The following ADAMTS19 variants were observed in gnomAD, a reference collection of about 807,000 sequenced individuals.
ADAMTS19 encodes the protein ADAM metallopeptidase with thrombospondin type 1 motif 19, also known as A disintegrin and metalloproteinase with thrombospondin motifs 19.
A neutral mutation model predicts 153.3 loss-of-function variants in ADAMTS19; 93 were observed. The observed-to-expected ratio is 0.61, with a 90% CI of 0.51 to 0.72. ADAMTS19 has a LOEUF of 0.72. Among genes scored for constraint, ADAMTS19 ranks in the 30% least tolerant of loss-of-function variants. The pLI is 0.00. For missense variants in ADAMTS19, 1,482 were observed against 1,552.1 expected (o/e 0.95, Z 0.76); for synonymous variants, 600 against 556.6 (o/e 1.08, Z -1.10).
intron 7 of ADAMTS19, among the ~76,000 whole-genome samples, chr5:129,561,819 A>AT (rs138761227): frequency 2.7e-5 from 4 of 148,060 alleles, no homozygotes; most frequent in African/African-American, 7.5e-5. Context: ...ATTTCACCCT[A>AT]CTATCTATCT....
intron 10 of ADAMTS19, among the ~76,000 whole-genome samples, chr5:129,626,540 C>T (rs941492111): frequency 5.9e-5 from 9 of 151,986 alleles, no homozygotes; most frequent in African/African-American, 2.2e-4. Flanking sequence ...TTTAAGGTTT[C>T]CAGAAATGTT....
chr5:129,568,345 A>T (rs1369744017), intron 7 of ADAMTS19, among the ~76,000 whole-genome samples: 1 of 132,114 alleles, frequency 7.6e-6, no homozygotes, highest in African/African-American at 2.6e-5. Flanking sequence ...AATACATAAG[A>T]CAACAACAGT....
In ADAMTS19 at chr5:129,529,277, A is replaced by G. The variant is rs1415215600; in HGVS notation, c.1328+600A>G. 2.6e-5 allele frequency among the ~76,000 whole-genome samples: 4 copies of G among 152,190 alleles called. No individual in the cohort carries two copies. In the East Asian group the frequency reaches 5.8e-4, roughly 22 times the overall value. The stretch of plus-strand genomic sequence containing the variant: ...TGTCTTGCTTAAAGCTGGTAAAAAT[A>G]AGTAATTCATTGTGAACTAGCAATT... On this transcript the variant is annotated intron_variant, in intron 6 of 22. Coordinates refer to ENST00000274487, the MANE Select transcript of ADAMTS19 (RefSeq NM_133638.6).
chr5:129,657,787 C>A lies in ADAMTS19; in HGVS notation c.2305-830C>A, dbSNP rs367719873. On this transcript the variant is annotated intron_variant, in intron 14 of 22. Coordinates refer to ENST00000274487, the MANE Select transcript of ADAMTS19 (RefSeq NM_133638.6). ...AGTTTTCCAGAAAGTTAATATTTAC[C>A]ATTTAGCACTTACTTTACAATCACT... Among the ~76,000 whole-genome samples, 3 of 152,064 alleles carry A rather than the reference C, an allele frequency of 2.0e-5. No homozygotes were observed. In the South Asian group the frequency reaches 6.2e-4, roughly 31 times the overall value.
chr5:129,635,066 T>C lies in ADAMTS19; in HGVS notation c.1771-6793T>C, dbSNP rs79840387. On this transcript the variant is annotated intron_variant, in intron 10 of 22. Coordinates refer to ENST00000274487, the MANE Select transcript of ADAMTS19 (RefSeq NM_133638.6). ...ATCCAGCAACAATAGCAAACTTAAG[T>C]TTACAAGCAAAAAACAAGCAACCCC... 4.4e-3 allele frequency among the ~76,000 whole-genome samples: 660 copies of C among 151,560 alleles called. 4 individuals carry two copies. The highest frequency in any genetic ancestry group is 0.026 in the East Asian group (133 of 5,144).
intron 6 of ADAMTS19, among the ~76,000 whole-genome samples, chr5:129,539,107 A>G (rs1449214153): frequency 6.6e-6 from 1 of 152,104 alleles, no homozygotes. Flanking sequence ...TGTGGGAGGC[A>G]GAATAATGTC....
Position 129,684,762 on chromosome 5 carries a change from C to A in ADAMTS19, c.2818+489C>A, listed in dbSNP as rs188795696. Among the ~76,000 whole-genome samples, 327 of 151,912 alleles carry A rather than the reference C, an allele frequency of 2.2e-3. 1 individual carries two copies. The highest frequency in any genetic ancestry group is 6.9e-3 in the African/African-American group (285 of 41,488). ...CAGCACTCTGGGAGGCCGAGGCGGG[C>A]AGATCACGAGGTCAGGAGATCAAGA... On this transcript the variant is annotated intron_variant, in intron 18 of 22. Transcript: ENST00000274487.
At chr5:129,585,018 CTGG>C (rs1749709662) in intron 7 of ADAMTS19, among the ~76,000 whole-genome samples, 1 of 152,148 alleles carries the variant, frequency 6.6e-6, no homozygotes, top group South Asian at 2.1e-4. Flanking sequence ...TCTCAGGGCC[CTGG>C]TGGTGCAGGC....
intron 6 of ADAMTS19, among the ~76,000 whole-genome samples, chr5:129,543,028 T>G (rs76620303): frequency 0.027 from 4,062 of 150,682 alleles, 126 homozygotes; most frequent in African/African-American, 0.079. Flanking sequence ...GTTGTTTTTT[T>G]TTGTTGTTGT....
chr5:129,705,662 C>A (rs1008162612), intron 21 of ADAMTS19, among the ~76,000 whole-genome samples: 7 of 152,182 alleles, frequency 4.6e-5, no homozygotes, highest in African/African-American at 1.7e-4. Flanking sequence ...AAGGAAACTT[C>A]ACACTTCAGA....
rs144022129 is a variant in ADAMTS19, at chr5:129,524,193, A to G, written c.914-2091A>G. On this transcript the variant is annotated intron_variant, in intron 3 of 22. Transcript: ENST00000274487. ...CATCTGATCTTCGACAAACCTGACA[A>G]AAACAAGCAGTGGTGAAAGTATTCC... is the stretch of plus-strand genomic sequence containing the variant. Among the ~76,000 whole-genome samples, 541 of 152,264 alleles carry G rather than the reference A, an allele frequency of 3.6e-3. 4 individuals carry two copies. The highest frequency in any genetic ancestry group is 0.011 in the African/African-American group (449 of 41,558).
At chr5:129,715,742 G>C (rs1756695277) in intron 21 of ADAMTS19, among the ~76,000 whole-genome samples, 1 of 152,182 alleles carries the variant, frequency 6.6e-6, no homozygotes, top group Non-Finnish European at 1.5e-5. Flanking sequence ...AGGGAAGATT[G>C]TGAATTCTAT....
Position 129,491,859 on chromosome 5 carries a change from TA to T in ADAMTS19, c.748-17211del, listed in dbSNP as rs58435139. On this transcript the variant is annotated intron_variant, in intron 2 of 22. Coordinates refer to ENST00000274487, the MANE Select transcript of ADAMTS19 (RefSeq NM_133638.6). ...TAGATTATGTTACTTAATTATTATT[TA>T]AAAAAACTCACAATATTTGCATTTT... Among the ~76,000 whole-genome samples, 675 of 152,256 alleles carry T rather than the reference TA, an allele frequency of 4.4e-3. 6 individuals are homozygous for T. Among genetic ancestry groups the T allele is most frequent in the African/African-American group, 0.015 (624 of 41,562 alleles).
intron 7 of ADAMTS19, among the ~76,000 whole-genome samples, chr5:129,554,738 T>C (rs1156373869): frequency 1.3e-5 from 2 of 152,136 alleles, no homozygotes; most frequent in Non-Finnish European, 2.9e-5. Context: ...TTTACGTTAC[T>C]TGTAGCCTAA....
Position 129,461,475 on chromosome 5 carries a change from C to T in ADAMTS19, c.465C>T (p.Pro155=), listed in dbSNP as rs1337284707. The change falls in exon 2 of 23, where the codon CCC becomes CCT. Residue 155 remains proline, a synonymous_variant. Transcript: ENST00000274487. This position sits in a 1 kb window ranked among gnomAD's most constrained non-coding sequence, Gnocchi z 4.6. ...SWQPPPPPQP[P]PSPPPAQHAE... Reference sequence around the variant, plus strand: ...AGCCGCCGCCTCCCCCGCAGCCGCCCCCGTCCCCGCCCCCGGCCCAGCATG... The same window carrying T: ...AGCCGCCGCCTCCCCCGCAGCCGCCTCCGTCCCCGCCCCCGGCCCAGCATG... 2 of 1,475,484 alleles carry T rather than the reference C, an allele frequency of 1.4e-6. No individual in the cohort carries two copies. Among genetic ancestry groups the T allele is most frequent in the Non-Finnish European group, 1.8e-6 (2 of 1,122,362 alleles). The allele number at this position is 1,475,484 out of a possible 1,614,324, so 91.4% of individuals were successfully genotyped here. A position where few individuals can be genotyped will look rare whatever the true frequency, so the allele number is the denominator to read the frequency against.
intron 13 of ADAMTS19, among the ~76,000 whole-genome samples, chr5:129,653,967 C>CA (rs972333892): frequency 6.6e-6 from 1 of 151,444 alleles, no homozygotes; most frequent in Non-Finnish European, 1.5e-5. Flanking sequence ...GATATCATTT[C>CA]AAAAAAAATA....
intron 14 of ADAMTS19, among the ~76,000 whole-genome samples, chr5:129,655,710 T>C (rs960116539): frequency 3.3e-5 from 5 of 152,162 alleles, no homozygotes; most frequent in Admixed American, 3.3e-4. Context: ...GATCAATCCA[T>C]GATCCAATAG....
rs188789381 is a variant in ADAMTS19, at chr5:129,665,539, A to C, written c.2466A>C (p.Arg822Ser). The C allele has an allele frequency of 1.6e-5, 26 of 1,610,870 alleles. No homozygotes were observed. The highest frequency in any genetic ancestry group is 2.2e-5 in the Non-Finnish European group (26 of 1,177,904). The change falls in exon 16 of 23, where the codon AGA (arginine) becomes AGC (serine). Residue 822 changes from arginine to serine, a missense_variant. Around this residue, in one of 2 missense-constraint regions of ADAMTS19, gnomAD observed 616 missense variants for 724.4 expected, o/e 0.85. Coordinates refer to ENST00000274487, the MANE Select transcript of ADAMTS19 (RefSeq NM_133638.6). The part of the protein sequence containing the change: ...EVLVIPAGAR[R>S]IKVVEEKPAH... Reference sequence around the variant, plus strand: ...TGGTGATACCTGCTGGAGCAAGAAGAATCAAAGTTGTGGAGGAAAAGCCGG... The same window carrying C: ...TGGTGATACCTGCTGGAGCAAGAAGCATCAAAGTTGTGGAGGAAAAGCCGG...
At chr5:129,547,689 G>A (rs1180980716) in intron 6 of ADAMTS19, among the ~76,000 whole-genome samples, 1 of 150,430 alleles carries the variant, frequency 6.6e-6, no homozygotes, top group Non-Finnish European at 1.5e-5. Context: ...AAGTTCATAT[G>A]GAACCAAAAA....
Sources: allele counts gnomAD v4.1 joint callset (sites outside exome capture counted in the v4.1 genomes callset), GRCh38; gene constraint gnomAD v4.1.1; regional missense constraint gnomAD v4.1.1; non-coding constraint Gnocchi (gnomAD v3.1); transcripts MANE v1.5; gene names NCBI Gene and HGNC (gene_info 2026-07-23, HGNC 2026-07-21).